Variants in TNFRSF19 observed in about 807,000 individuals in gnomAD.
The protein encoded by TNFRSF19 is tumor necrosis factor receptor superfamily member 19.
A neutral mutation model predicts 46.4 loss-of-function variants in TNFRSF19; 27 were observed. The observed-to-expected ratio is 0.58, with a 90% CI of 0.43 to 0.80. The LOEUF (loss-of-function observed/expected upper bound fraction) is 0.80. Among genes scored for constraint, TNFRSF19 ranks in the 30% least tolerant of loss-of-function variants. The pLI, the probability that TNFRSF19 is intolerant of heterozygous loss-of-function variation, is 0.00. For missense variants in TNFRSF19, 511 were observed against 530.8 expected, an observed-to-expected ratio of 0.96 and a Z score of 0.37; for synonymous variants, 204 against 205.0, an observed-to-expected ratio of 1.00 and a Z score of 0.04.
At chr13:23,593,127 T>A (rs1036382803) in intron 2 of TNFRSF19, among the ~76,000 whole-genome samples, 4 of 152,180 alleles carry the variant, frequency 2.6e-5, no homozygotes, top group Admixed American at 6.5e-5. Flanking sequence ...TCAATGAGTA[T>A]TCTCTGGAAT....
At position 23,630,691 on chromosome 13, in the gene TNFRSF19, G is replaced by A. The variant is rs1882301578; in HGVS notation, c.445+3899G>A. Among the ~76,000 whole-genome samples, 3 of 152,184 alleles carry A rather than the reference G, an allele frequency of 2.0e-5. No individual in the cohort carries two copies. In the East Asian group the frequency reaches 5.8e-4, roughly 29 times the overall value. ...TCCTAATCACCTGTGCCCACTTAGA[G>A]CTTCAAGGAGAAATAGAGAAAAATA... On this transcript the variant is annotated intron_variant, in intron 5 of 9. Coordinates refer to ENST00000248484, the MANE Select transcript of TNFRSF19 (RefSeq NM_148957.4).
At chr13:23,593,715 C>T (rs67836295) in intron 3 of TNFRSF19, among the ~76,000 whole-genome samples, 14,852 of 152,200 alleles carry the variant, frequency 0.098, 762 homozygotes, top group East Asian at 0.18. Flanking sequence ...TAGTGTTTCA[C>T]TAAAACAGTA....
intron 5 of TNFRSF19, among the ~76,000 whole-genome samples, chr13:23,643,241 A>C (rs1883131291): frequency 6.6e-6 from 1 of 152,258 alleles, no homozygotes; most frequent in Non-Finnish European, 1.5e-5. Flanking sequence ...TTATTTAAAG[A>C]AGTTTCTGCT....
intron 9 of TNFRSF19, among the ~76,000 whole-genome samples, chr13:23,672,702 A>G (rs1951776704): frequency 6.6e-6 from 1 of 152,216 alleles, no homozygotes; most frequent in South Asian, 2.1e-4. Flanking sequence ...AAGTTAGTGA[A>G]GGGTTAATAC....
intron 1 of TNFRSF19, among the ~76,000 whole-genome samples, chr13:23,572,012 A>T (rs1364260372): frequency 1.3e-5 from 2 of 152,132 alleles, no homozygotes; most frequent in Non-Finnish European, 2.9e-5. Flanking sequence ...AATTCTGATG[A>T]AACAGGAAAG....
intron 5 of TNFRSF19, among the ~76,000 whole-genome samples, chr13:23,646,219 C>T (rs1883320872): frequency 6.6e-6 from 1 of 152,170 alleles, no homozygotes; most frequent in South Asian, 2.1e-4. Flanking sequence ...GAACCTGGCA[C>T]CCTCCACCCT....
chr13:23,584,957 A>G (rs1403391082), intron 1 of TNFRSF19, among the ~76,000 whole-genome samples: 1 of 152,152 alleles, frequency 6.6e-6, no homozygotes, highest in Non-Finnish European at 1.5e-5. Context: ...TGGAAATAGC[A>G]TTACTCTAAA....
intron 1 of TNFRSF19, among the ~76,000 whole-genome samples, chr13:23,579,137 T>TC (rs1172981973): frequency 2.0e-5 from 3 of 151,644 alleles, no homozygotes; most frequent in African/African-American, 7.3e-5. Context: ...CGGTCCCCCA[T>TC]CCCCAAGCCC....
chr13:23,673,679 G>T lies in TNFRSF19; in HGVS notation c.*299G>T, dbSNP rs1320977119. On this transcript the variant is annotated 3_prime_UTR_variant, in exon 10 of 10. Transcript: ENST00000248484. ...ACTTCAAAGACGGATGGGTTGAGCT[G>T]GCAGCCTATGAGATTGTGGACATAT... The T allele has an allele frequency of 2.4e-5, 14 of 584,794 alleles. No homozygotes were observed. The highest frequency in any genetic ancestry group is 3.2e-5 in the Non-Finnish European group (13 of 411,616). 36.2% of individuals were successfully genotyped at this position (584,794 alleles called of 1,614,324 possible).
chr13:23,605,508 C>CCAG (rs2138223524), intron 3 of TNFRSF19, among the ~76,000 whole-genome samples: 1 of 152,276 alleles, frequency 6.6e-6, no homozygotes, highest in African/African-American at 2.4e-5. Context: ...CAGATACCTG[C>CCAG]ACACAGATAC....
chr13:23,610,934 C>A (rs889496389), intron 3 of TNFRSF19, among the ~76,000 whole-genome samples: 2 of 151,856 alleles, frequency 1.3e-5, no homozygotes, highest in African/African-American at 4.8e-5. Flanking sequence ...TTTAAGGTAC[C>A]AGGTCATAAT....
intron 7 of TNFRSF19, among the ~76,000 whole-genome samples, chr13:23,664,644 G>A (rs757183467): frequency 1.3e-5 from 2 of 152,140 alleles, no homozygotes; most frequent in Non-Finnish European, 1.5e-5. Flanking sequence ...TTGTCCTCTT[G>A]GAACTGTCTA....
chr13:23,647,196 ATG>A (rs1037044512), intron 5 of TNFRSF19, among the ~76,000 whole-genome samples: 2 of 152,186 alleles, frequency 1.3e-5, no homozygotes, highest in Non-Finnish European at 2.9e-5. Flanking sequence ...TACCAGATGT[ATG>A]AAATGCTAAT....
At chr13:23,651,594 C>T (rs117775707) in intron 5 of TNFRSF19, among the ~76,000 whole-genome samples, 1,752 of 152,196 alleles carry the variant, frequency 0.012, 34 homozygotes, top group Non-Finnish European at 0.011. Flanking sequence ...TTATTTAATG[C>T]TCATTTTATG....
intron 9 of TNFRSF19, among the ~76,000 whole-genome samples, chr13:23,670,204 T>G (rs1565957732): frequency 6.6e-6 from 1 of 152,248 alleles, no homozygotes; most frequent in Non-Finnish European, 1.5e-5. Context: ...TTTTTGGTTT[T>G]TGGGTTTTGA....
chr13:23,599,636 AGTCAATAGAAAGGAAT>A (rs1455881234), intron 3 of TNFRSF19, among the ~76,000 whole-genome samples: 9 of 152,172 alleles, frequency 5.9e-5, no homozygotes, highest in African/African-American at 9.7e-5. Flanking sequence ...GAATGCCTAG[AGTCAATAGAAAGGAAT>A]GTCAATAGAA....
At chr13:23,610,158 G>A (rs1880797001) in intron 3 of TNFRSF19, among the ~76,000 whole-genome samples, 1 of 152,214 alleles carries the variant, frequency 6.6e-6, no homozygotes. Context: ...CGCACTGGCT[G>A]TACAAATAAA....
intron 5 of TNFRSF19, among the ~76,000 whole-genome samples, chr13:23,652,227 G>A (rs1883695809): frequency 6.6e-6 from 1 of 152,140 alleles, no homozygotes. Flanking sequence ...TCTACTGTTG[G>A]GAGTAAGTAA....
At chr13:23,584,895 G>A (rs2138160878) in intron 1 of TNFRSF19, among the ~76,000 whole-genome samples, 1 of 152,300 alleles carries the variant, frequency 6.6e-6, no homozygotes, top group African/African-American at 2.4e-5. Context: ...AATATAGTGA[G>A]ATTGAAAGCT....
Sources: allele counts gnomAD v4.1 joint callset (sites outside exome capture counted in the v4.1 genomes callset), GRCh38; gene constraint gnomAD v4.1.1; transcripts MANE v1.5; gene names NCBI Gene and HGNC (gene_info 2026-07-23, HGNC 2026-07-21).